ADRA1A: variants seen among roughly 807,000 people sequenced by gnomAD.
ADRA1A encodes alpha-1A adrenergic receptor.
In ADRA1A, 31 loss-of-function variants were observed where a neutral mutation model predicts 29.6. The ratio of observed to expected loss-of-function variants is 1.05; its 90% CI spans 0.79 to 1.41. ADRA1A has a LOEUF of 1.41. Among genes scored for constraint, ADRA1A ranks in the 40% most tolerant of loss-of-function variants. The probability of loss-of-function intolerance (pLI) is 0.00; values close to 1 mark genes in which losing one functional copy is unlikely to be tolerated. For missense variants in ADRA1A, 619 were observed against 601.1 expected, an observed-to-expected ratio of 1.03 and a Z score of -0.31; for synonymous variants, 311 against 254.3, an observed-to-expected ratio of 1.22 and a Z score of -2.12.
chr8:26,792,400 A>T (rs1807899956), intron 2 of ADRA1A, among the ~76,000 whole-genome samples: 1 of 152,138 alleles, frequency 6.6e-6, no homozygotes, highest in Admixed American at 6.6e-5. Flanking sequence ...TATCCTTGCC[A>T]GGTAAGAAAA....
chr8:26,767,805 G>A (rs1289193432), downstream of ADRA1A, among the ~76,000 whole-genome samples: 5 of 152,188 alleles, frequency 3.3e-5, no homozygotes, highest in African/African-American at 1.2e-4. Context: ...GTAAGGGGGA[G>A]TGGGGCAAGT....
At chr8:26,833,398 G>C (rs573173421) in intron 2 of ADRA1A, among the ~76,000 whole-genome samples, 1 of 152,114 alleles carries the variant, frequency 6.6e-6, no homozygotes, top group African/African-American at 2.4e-5. Flanking sequence ...TGCTTGTCAG[G>C]GTTGGGTACC....
At chr8:26,867,332 G>C (rs1383068052), upstream of ADRA1A, 2 of 985,208 alleles carry the variant, frequency 2.0e-6, no homozygotes, top group Non-Finnish European at 2.4e-6. Flanking sequence ...ATTACTCTAC[G>C]GCAACAGGCA....
intron 2 of ADRA1A, among the ~76,000 whole-genome samples, chr8:26,795,577 T>C (rs1808135472): frequency 6.6e-6 from 1 of 152,134 alleles, no homozygotes; most frequent in African/African-American, 2.4e-5. Flanking sequence ...TATCGCCACT[T>C]TGCAACCCTA....
At chr8:26,774,056 C>A (rs970841215) in intron 2 of ADRA1A, among the ~76,000 whole-genome samples, 13 of 152,218 alleles carry the variant, frequency 8.5e-5, no homozygotes, top group Admixed American at 8.5e-4. Context: ...TCTTTTTAAT[C>A]CAAGCAAATC....
In ADRA1A at chr8:26,769,918, C is replaced by A; in HGVS notation, c.*231G>T. On this transcript the variant is annotated 3_prime_UTR_variant, in exon 3 of 3. Transcript: ENST00000380573. ...CACAGAGTGACCAAGAAAGCATTAG[C>A]TGCAGGGAAATGCTGTTCCGTATCA... is the stretch of plus-strand genomic sequence containing the variant. 7.9e-7 allele frequency: 1 copy of A among 1,269,536 alleles called. No homozygotes were observed. The highest frequency in any genetic ancestry group is 9.9e-7 in the Non-Finnish European group (1 of 1,009,786). 78.6% of individuals were successfully genotyped at this position (1,269,536 alleles called of 1,614,324 possible). A position where few individuals can be genotyped will look rare whatever the true frequency, so the allele number is the denominator to read the frequency against.
At chr8:26,771,601 T>C (rs547172424) in intron 2 of ADRA1A, among the ~76,000 whole-genome samples, 91 of 152,346 alleles carry the variant, frequency 6.0e-4, no homozygotes, top group Admixed American at 1.8e-3. Flanking sequence ...AGTCTTAAAA[T>C]GGAACAACCT....
At chr8:26,767,425 C>A (rs1308582603), downstream of ADRA1A, among the ~76,000 whole-genome samples, 1 of 152,144 alleles carries the variant, frequency 6.6e-6, no homozygotes, top group Non-Finnish European at 1.5e-5. Context: ...CTTTACCCCA[C>A]TTTGACTAAG....
chr8:26,832,953 A>G (rs369638433), intron 2 of ADRA1A, among the ~76,000 whole-genome samples: 1 of 152,350 alleles, frequency 6.6e-6, no homozygotes, highest in African/African-American at 2.4e-5. Context: ...AGTGAGACAC[A>G]GTTGGGAGCT....
chr8:26,785,930 T>C (rs1807337040), intron 2 of ADRA1A, among the ~76,000 whole-genome samples: 1 of 152,158 alleles, frequency 6.6e-6, no homozygotes, highest in South Asian at 2.1e-4. Context: ...CGTCTCTCCA[T>C]CTCCATTGTC....
At chr8:26,759,561 CCTT>C (rs1474818553) in intron 2 of ADRA1A, among the ~76,000 whole-genome samples, 1 of 152,188 alleles carries the variant, frequency 6.6e-6, no homozygotes, top group East Asian at 1.9e-4. Context: ...AAGGTCTCCT[CCTT>C]CTCTGCTCTT....
At chr8:26,800,535 C>T (rs1808498850) in intron 2 of ADRA1A, among the ~76,000 whole-genome samples, 1 of 152,072 alleles carries the variant, frequency 6.6e-6, no homozygotes. Context: ...CACATACAAC[C>T]TACCAAGACT....
In ADRA1A at chr8:26,772,852, C is replaced by T. The variant is rs891302331; in HGVS notation, c.884-2186G>A. On this transcript the variant is annotated intron_variant, in intron 2 of 2. Transcript: ENST00000380573. ...ACACTCCCTGCTAAGTTCCATGTGTCTCAAATTCACACACACACACACACA... is the reference window on the plus strand; with the variant it reads ...ACACTCCCTGCTAAGTTCCATGTGTTTCAAATTCACACACACACACACACA... 2.3e-5 allele frequency among the ~76,000 whole-genome samples: 3 copies of T among 128,908 alleles called. No individual in the cohort carries two copies. The Admixed American group carries it at 2.4e-4, about 10-fold the overall frequency. 84.6% of individuals were successfully genotyped at this position (128,908 alleles called of 152,430 possible). A position where few individuals can be genotyped will look rare whatever the true frequency, so the allele number is the denominator to read the frequency against.
chr8:26,861,454 C>T (rs1813461545), intron 2 of ADRA1A, among the ~76,000 whole-genome samples: 1 of 151,864 alleles, frequency 6.6e-6, no homozygotes, highest in East Asian at 1.9e-4. Flanking sequence ...GGTGCAGAGG[C>T]TCTGTTCTTA....
At chr8:26,834,625 G>A (rs746718125) in intron 2 of ADRA1A, among the ~76,000 whole-genome samples, 3 of 152,120 alleles carry the variant, frequency 2.0e-5, no homozygotes, top group Non-Finnish European at 4.4e-5. Context: ...CAATCTCCAC[G>A]TAGATCCCAC....
intron 2 of ADRA1A, among the ~76,000 whole-genome samples, chr8:26,790,448 G>C (rs1178142000): frequency 6.6e-6 from 1 of 152,080 alleles, no homozygotes; most frequent in Non-Finnish European, 1.5e-5. Flanking sequence ...GTTACTGAAG[G>C]CTGGGAAGAA....
In ADRA1A at chr8:26,805,269, A is replaced by T. The variant is rs1016287873; in HGVS notation, c.884-34603T>A. Reference sequence around the variant, plus strand: ...CTCAATTTACACCTATTGCCTCAGTATGGTTATTAATTGTGCTTTCTTACA... The same window carrying T: ...CTCAATTTACACCTATTGCCTCAGTTTGGTTATTAATTGTGCTTTCTTACA... On this transcript the variant is annotated intron_variant, in intron 2 of 2. Coordinates refer to ENST00000380573, the MANE Select transcript of ADRA1A (RefSeq NM_000680.4). The surrounding 1 kb of genome is among the most constrained non-coding windows in gnomAD (Gnocchi z 4.8). Among the ~76,000 whole-genome samples, 1 of 152,192 alleles carries T rather than the reference A, an allele frequency of 6.6e-6. No individual in the cohort carries two copies. Among genetic ancestry groups the T allele is most frequent in the South Asian group, 2.1e-4 (1 of 4,822 alleles).
At chr8:26,824,921 C>CT (rs1563283071) in intron 2 of ADRA1A, among the ~76,000 whole-genome samples, 1 of 152,220 alleles carries the variant, frequency 6.6e-6, no homozygotes, top group Non-Finnish European at 1.5e-5. Context: ...ATGAGTATGT[C>CT]TGCCTCTTAA....
At chr8:26,840,106 A>G (rs184524417) in intron 2 of ADRA1A, among the ~76,000 whole-genome samples, 11 of 152,332 alleles carry the variant, frequency 7.2e-5, no homozygotes, top group Admixed American at 3.3e-4. Context: ...ATGAAACACT[A>G]TTGCTCAAGA....
Sources: gnomAD v4.1 joint callset for allele counts (sites outside exome capture counted in the v4.1 genomes callset) on GRCh38, gnomAD v4.1.1 for gene constraint, Gnocchi (gnomAD v3.1) non-coding constraint, MANE v1.5 for transcripts, NCBI Gene and HGNC (gene_info 2026-07-23, HGNC 2026-07-21) for gene names.